The following TFCP2L1 variants were observed in gnomAD, a reference collection of about 807,000 sequenced individuals.
TFCP2L1 encodes transcription factor CP2-like protein 1.
In TFCP2L1, 12 loss-of-function variants were observed where a neutral mutation model predicts 72.2. The observed-to-expected ratio is 0.17, with a 90% CI of 0.11 to 0.27. TFCP2L1 has a LOEUF of 0.27. Among genes scored for constraint, TFCP2L1 ranks in the 10% least tolerant of loss-of-function variants. The pLI is 1.00. For missense variants in TFCP2L1, 488 were observed against 624.6 expected, an observed-to-expected ratio of 0.78 and a Z score of 2.33; for synonymous variants, 260 against 251.0, an observed-to-expected ratio of 1.04 and a Z score of -0.34.
chr2:121,227,016 G>C (rs1326143935), intron 13 of TFCP2L1, among the ~76,000 whole-genome samples: 1 of 152,208 alleles, frequency 6.6e-6, no homozygotes, highest in Admixed American at 6.5e-5. Context: ...AACCAGATGT[G>C]ATGGAATCAT....
chr2:121,262,096 G>C (rs1229581509), intron 2 of TFCP2L1, among the ~76,000 whole-genome samples: 1 of 152,126 alleles, frequency 6.6e-6, no homozygotes, highest in Non-Finnish European at 1.5e-5. Flanking sequence ...CAGGAGGACT[G>C]TTTGAGCTCT....
chr2:121,262,893 C>T (rs1336846585), intron 2 of TFCP2L1, among the ~76,000 whole-genome samples: 1 of 151,918 alleles, frequency 6.6e-6, no homozygotes, highest in Non-Finnish European at 1.5e-5. Context: ...GTTTGATTTG[C>T]TCTCATACTG....
intron 2 of TFCP2L1, among the ~76,000 whole-genome samples, chr2:121,258,800 G>A (rs1306236210): frequency 2.0e-5 from 3 of 152,146 alleles, no homozygotes; most frequent in Non-Finnish European, 4.4e-5. Flanking sequence ...AACCTGCTAC[G>A]GGACATCAGA....
Position 121,285,148 on chromosome 2 carries a change from A to T in TFCP2L1, c.-39T>A. 1 of 1,456,050 alleles carries T rather than the reference A, an allele frequency of 6.9e-7. No individual in the cohort carries two copies. The highest frequency in any genetic ancestry group is 1.9e-4 in the Middle Eastern group (1 of 5,326). The allele number at this position is 1,456,050 out of a possible 1,614,324, so 90.2% of individuals were successfully genotyped here. A position where few individuals can be genotyped will look rare whatever the true frequency, so the allele number is the denominator to read the frequency against. ...AGCGCGCCGACCGGGGCGCGGCAGC[A>T]AGCGCAGACGCGGGGCGCGCCGAGG... is the stretch of plus-strand genomic sequence containing the variant. On this transcript the variant is annotated 5_prime_UTR_variant, in exon 1 of 15. Transcript: ENST00000263707.
At chr2:121,259,832 T>C (rs918155170) in intron 2 of TFCP2L1, among the ~76,000 whole-genome samples, 4 of 152,204 alleles carry the variant, frequency 2.6e-5, no homozygotes, top group African/African-American at 7.2e-5. Flanking sequence ...ATATCTTCAG[T>C]ATTGGCCTGA....
intron 13 of TFCP2L1, among the ~76,000 whole-genome samples, chr2:121,228,185 C>CTGCTTCACT (rs1207596710): frequency 1.3e-5 from 2 of 152,240 alleles, no homozygotes; most frequent in Admixed American, 1.3e-4. Context: ...GTTCTGCTCT[C>CTGCTTCACT]TGCTTCACTT....
In TFCP2L1 at chr2:121,242,469, G is replaced by A; in HGVS notation, c.658C>T (p.Pro220Ser). Residue 220 changes from proline to serine, a missense_variant and splice_region_variant, in exon 7 of 15, where the codon CCG becomes TCG. Transcript: ENST00000263707. ...TTCTGTTTCCGATCGGCTCCCTTCG[G>A]CTGCGAGCAGAGTACAGAGTCCAAT... is the stretch of plus-strand genomic sequence containing the variant. ...SASCQIKVFK[P>S]KGADRKQKTD... is the part of the protein sequence containing the mutation. The A allele has an allele frequency of 1.2e-6, 2 of 1,613,852 alleles. No homozygotes were observed. The highest frequency in any genetic ancestry group is 1.7e-6 in the Non-Finnish European group (2 of 1,179,974).
chr2:121,245,149 A>G lies in TFCP2L1; in HGVS notation c.657+1669T>C, dbSNP rs193021998. Among the ~76,000 whole-genome samples the G allele has an allele frequency of 6.6e-5, 10 of 152,314 alleles. No individual in the cohort carries two copies. In the East Asian group the frequency reaches 1.9e-3, roughly 29 times the overall value. ...CCCCGTGTAATCACAGCATCCTTAC[A>G]AAAGGAAGAGGGAGGTAGACGAGGA... On this transcript the variant is annotated intron_variant, in intron 6 of 14. Transcript: ENST00000263707.
At chr2:121,225,830 G>A (rs1166743726) in intron 13 of TFCP2L1, among the ~76,000 whole-genome samples, 1 of 146,124 alleles carries the variant, frequency 6.8e-6, no homozygotes, top group Non-Finnish European at 1.5e-5. Flanking sequence ...ACACACACGG[G>A]AACACGGTAA....
At chr2:121,252,661 C>A (rs1273249769) in intron 2 of TFCP2L1, among the ~76,000 whole-genome samples, 1 of 152,102 alleles carries the variant, frequency 6.6e-6, no homozygotes, top group Non-Finnish European at 1.5e-5. Context: ...AAGCCTGGGG[C>A]CACCAAAGCT....
intron 14 of TFCP2L1, among the ~76,000 whole-genome samples, chr2:121,225,018 C>T (rs941580412): frequency 6.6e-6 from 1 of 151,590 alleles, no homozygotes; most frequent in Non-Finnish European, 1.5e-5. Context: ...GTGGCTAGAT[C>T]CACGGGACAA....
chr2:121,249,826 T>C (rs1031820691), intron 2 of TFCP2L1, among the ~76,000 whole-genome samples, 179 bp from the exon 3 acceptor site: 6 of 152,216 alleles, frequency 3.9e-5, no homozygotes, highest in African/African-American at 1.4e-4. Flanking sequence ...CATCAGTCTG[T>C]CCACCCCGCC....
At chr2:121,246,573 G>A (rs2713208) in intron 6 of TFCP2L1, among the ~76,000 whole-genome samples, 10,449 of 152,272 alleles carry the variant, frequency 0.069, 648 homozygotes, top group East Asian at 0.29. Flanking sequence ...CATCCATGCC[G>A]ATGCTTCTGC....
intron 2 of TFCP2L1, among the ~76,000 whole-genome samples, chr2:121,279,016 A>G (rs1259636293): frequency 2.0e-5 from 3 of 151,800 alleles, no homozygotes; most frequent in African/African-American, 7.3e-5. Context: ...AAAAAAAAGG[A>G]GTTGGAAGGG....
chr2:121,240,034 A>T, intron 7 of TFCP2L1: 1 of 985,016 alleles, frequency 1.0e-6, no homozygotes, highest in Non-Finnish European at 1.2e-6. Context: ...AATGTCTGTT[A>T]TAGGGAGTAC....
intron 2 of TFCP2L1, 79 bp from the exon 3 acceptor site, chr2:121,249,726 A>C: frequency 6.9e-7 from 1 of 1,445,322 alleles, no homozygotes; most frequent in African/African-American, 1.4e-5. Flanking sequence ...AGCCTTCTCA[A>C]CACCCTCAGT....
chr2:121,230,967 G>A (rs980518647), intron 13 of TFCP2L1, among the ~76,000 whole-genome samples: 2 of 151,976 alleles, frequency 1.3e-5, no homozygotes, highest in African/African-American at 2.4e-5. Flanking sequence ...CTTCAGCAGG[G>A]GCTGGGTACC....
chr2:121,282,215 G>A (rs1573403778), intron 1 of TFCP2L1, among the ~76,000 whole-genome samples: 1 of 150,934 alleles, frequency 6.6e-6, no homozygotes, highest in Non-Finnish European at 1.5e-5. Flanking sequence ...TTACAGGTGT[G>A]AGCCACCGCG....
At chr2:121,270,531 A>G (rs551842713) in intron 2 of TFCP2L1, among the ~76,000 whole-genome samples, 1 of 152,220 alleles carries the variant, frequency 6.6e-6, no homozygotes, top group East Asian at 1.9e-4. Context: ...TTCACGGATT[A>G]CTAGAGCACG....
Sources: gnomAD v4.1 joint callset for allele counts (sites outside exome capture counted in the v4.1 genomes callset) on GRCh38, gnomAD v4.1.1 for gene constraint, MANE v1.5 for transcripts, NCBI Gene and HGNC (gene_info 2026-07-23, HGNC 2026-07-21) for gene names.